Variants in POLR3B observed in about 807,000 individuals in gnomAD.
POLR3B encodes the protein RNA polymerase III subunit B.
In POLR3B, 96 loss-of-function variants were observed where a neutral mutation model predicts 147.4. The ratio of observed to expected loss-of-function variants is 0.65; its 90% confidence interval spans 0.55 to 0.77. The LOEUF (loss-of-function observed/expected upper bound fraction) is 0.77. Ranked by LOEUF, POLR3B falls within the 30% of genes least tolerant of loss-of-function variation. The pLI is 0.00. For synonymous variants in POLR3B, 461 were observed against 485.9 expected (o/e 0.95, Z 0.67); for missense variants, 1,036 against 1,413.5 (o/e 0.73, Z 4.28).
chr12:106,483,276 A>C (rs1187975705), intron 23 of POLR3B, among the ~76,000 whole-genome samples: 1 of 152,216 alleles, frequency 6.6e-6, no homozygotes, highest in Non-Finnish European at 1.5e-5. Context: ...TCAAGGGTCA[A>C]CTGTATACAT....
chr12:106,501,502 ATGGC>A, intron 26 of POLR3B, 66 bp downstream of exon 26: 3 of 1,013,520 alleles, frequency 3.0e-6, no homozygotes, highest in African/African-American at 1.6e-5. Flanking sequence ...TTTTCCAGAT[ATGGC>A]AAAAAGCAGA....
At chr12:106,409,346 G>GTTT (rs138257827) in intron 11 of POLR3B, among the ~76,000 whole-genome samples, 7,654 of 66,956 alleles carry the variant, frequency 0.11, 1,218 homozygotes, top group African/African-American at 0.19. Flanking sequence ...TTGTAAGAGG[G>GTTT]TTTTTTTTGT....
intron 19 of POLR3B, chr12:106,446,356 A>G (rs1426022557): frequency 2.4e-6 from 1 of 424,222 alleles, no homozygotes; most frequent in Admixed American, 2.7e-5. Context: ...CTTTTTTAAA[A>G]AATAAAGAAT....
At chr12:106,478,885 G>A (rs764547613) in intron 23 of POLR3B, among the ~76,000 whole-genome samples, 13 of 152,004 alleles carry the variant, frequency 8.6e-5, no homozygotes, top group Non-Finnish European at 1.9e-4. Flanking sequence ...TTTTCCCTAA[G>A]GATTTTGGTG....
Position 106,367,896 on chromosome 12 carries a change from T to C in POLR3B, c.227+1174T>C, listed in dbSNP as rs997398949. ...TGATTCTTACCTATAACAGTTATTA[T>C]TGTGGGCTTATCTAATGGTGAACCT... is the stretch of plus-strand genomic sequence containing the variant. On this transcript the variant is annotated intron_variant, in intron 4 of 27. Transcript: ENST00000228347. 2.0e-5 allele frequency among the ~76,000 whole-genome samples: 3 copies of C among 152,216 alleles called. No homozygotes were observed. The South Asian group carries it at 6.2e-4, about 32-fold the overall frequency.
At chr12:106,363,209 A>T (rs1010467612) in intron 1 of POLR3B, among the ~76,000 whole-genome samples, 2 of 152,090 alleles carry the variant, frequency 1.3e-5, no homozygotes, top group African/African-American at 4.8e-5. Flanking sequence ...TTCCTAGTTT[A>T]TATCTCCAGG....
intron 8 of POLR3B, among the ~76,000 whole-genome samples, 175 bp downstream of exon 8, chr12:106,378,559 T>G (rs759926449): frequency 2.0e-5 from 3 of 152,210 alleles, no homozygotes. Flanking sequence ...GTACTGATTT[T>G]AAAATTTCAG....
Position 106,368,892 on chromosome 12 carries a change from G to A in POLR3B, c.228-383G>A, listed in dbSNP as rs543614814. Reference sequence around the variant, plus strand: ...TTTCATCCTTCTTTTGCACAAATGAGCGTTTTTTTTTTGTTTGTTTTTTTG... The same window carrying A: ...TTTCATCCTTCTTTTGCACAAATGAACGTTTTTTTTTTGTTTGTTTTTTTG... On this transcript the variant is annotated intron_variant, in intron 4 of 27. Transcript: ENST00000228347. 2.7e-4 allele frequency among the ~76,000 whole-genome samples: 4 copies of A among 14,892 alleles called. No individual in the cohort carries two copies. In the South Asian group the frequency reaches 0.016, roughly 58 times the overall value. 9.8% of individuals were successfully genotyped at this position (14,892 alleles called of 152,430 possible).
rs184736003 is a variant in POLR3B at position 106,406,070 on chromosome 12, A to G, written c.966+94A>G. On this transcript the variant is annotated intron_variant, in intron 11 of 27. Coordinates refer to ENST00000228347, the MANE Select transcript of POLR3B (RefSeq NM_018082.6). ...AAGAGTTTACCTTATTTAAAGTCCA[A>G]TTCCTCAAGAGAAAATTCTAAAGAG... 1,532 of 1,367,144 alleles carry G rather than the reference A, an allele frequency of 1.1e-3. 13 individuals are homozygous for G. The highest frequency in any genetic ancestry group is 5.1e-4 in the Non-Finnish European group (496 of 967,794). The allele number at this position is 1,367,144 out of a possible 1,614,324, so 84.7% of individuals were successfully genotyped here.
intron 16 of POLR3B, among the ~76,000 whole-genome samples, chr12:106,434,834 C>T (rs1359516918): frequency 6.6e-6 from 1 of 152,124 alleles, no homozygotes; most frequent in Non-Finnish European, 1.5e-5. Flanking sequence ...TTGAGGACTG[C>T]CTGTCCCCAT....
chr12:106,445,851 T>C (rs1038382669), intron 19 of POLR3B, among the ~76,000 whole-genome samples: 2 of 152,166 alleles, frequency 1.3e-5, no homozygotes, highest in African/African-American at 4.8e-5. Flanking sequence ...CAACTGACCA[T>C]AGCTTGGCAA....
chr12:106,494,975 G>A (rs2038457848), intron 23 of POLR3B, among the ~76,000 whole-genome samples: 1 of 152,100 alleles, frequency 6.6e-6, no homozygotes, highest in African/African-American at 2.4e-5. Flanking sequence ...GAAATAGTTT[G>A]AATAATTACA....
chr12:106,508,627 A>G (rs753999421), intron 27 of POLR3B, among the ~76,000 whole-genome samples: 10 of 152,236 alleles, frequency 6.6e-5, no homozygotes, highest in Non-Finnish European at 1.3e-4. Flanking sequence ...GCCATTGATT[A>G]AGAACTAAGT....
rs987093788 is a variant in POLR3B, at chr12:106,473,849, C to A, written c.2713+10229C>A. Among the ~76,000 whole-genome samples, 20 of 149,066 alleles carry A rather than the reference C, an allele frequency of 1.3e-4. No homozygotes were observed. In the East Asian group the frequency reaches 2.2e-3, roughly 16 times the overall value. On this transcript the variant is annotated intron_variant, in intron 23 of 27. Transcript: ENST00000228347. Reference sequence around the variant, plus strand: ...ACTTCCTCTTTTCCTAATTGAATACCCTTTATTTCCTTCTCCTGCGTGATT... The same window carrying A: ...ACTTCCTCTTTTCCTAATTGAATACACTTTATTTCCTTCTCCTGCGTGATT...
At chr12:106,384,499 C>G (rs1181770880) in intron 9 of POLR3B, among the ~76,000 whole-genome samples, 1 of 152,188 alleles carries the variant, frequency 6.6e-6, no homozygotes, top group Non-Finnish European at 1.5e-5. Flanking sequence ...GTGGTAAAAA[C>G]TTAGAATCAC....
intron 18 of POLR3B, among the ~76,000 whole-genome samples, chr12:106,438,871 G>A (rs895517800): frequency 2.0e-5 from 3 of 152,188 alleles, no homozygotes; most frequent in Middle Eastern, 3.2e-3. Context: ...ACTTGAATTG[G>A]TAGTATGTTC....
chr12:106,470,847 C>T (rs968254242), intron 23 of POLR3B, among the ~76,000 whole-genome samples: 2 of 152,080 alleles, frequency 1.3e-5, no homozygotes, highest in Non-Finnish European at 1.5e-5. Context: ...CCCAGAGGGG[C>T]ACCTGCCTGT....
intron 23 of POLR3B, among the ~76,000 whole-genome samples, chr12:106,482,959 A>T (rs918926063): frequency 1.3e-5 from 2 of 152,158 alleles, no homozygotes; most frequent in Non-Finnish European, 1.5e-5. Context: ...TTTTATCTAA[A>T]CTGGCACCAG....
chr12:106,403,704 G>A (rs547067081), intron 10 of POLR3B, among the ~76,000 whole-genome samples: 49 of 151,106 alleles, frequency 3.2e-4, no homozygotes, highest in African/African-American at 9.5e-4. Context: ...GCAAACTATC[G>A]CAAGGACAAA....
Sources: allele counts gnomAD v4.1 joint callset (sites outside exome capture counted in the v4.1 genomes callset), GRCh38; gene constraint gnomAD v4.1.1; transcripts MANE v1.5; gene names NCBI Gene and HGNC (gene_info 2026-07-23, HGNC 2026-07-21).